CTNNA3: variants seen among roughly 807,000 people sequenced by gnomAD.
CTNNA3 encodes the protein catenin alpha 3, also known as catenin alpha-3.
In CTNNA3, 76 loss-of-function variants were observed where a neutral mutation model predicts 95.7. The observed-to-expected ratio is 0.79, with a 90% CI of 0.66 to 0.96. The LOEUF (loss-of-function observed/expected upper bound fraction) is 0.96. Among genes scored for constraint, CTNNA3 ranks in the 40% least tolerant of loss-of-function variants. CTNNA3 has a pLI of 0.00. For synonymous variants in CTNNA3, 431 were observed against 374.4 expected (o/e 1.15, Z -1.74); for missense variants, 1,191 against 1,089.8 (o/e 1.09, Z -1.31).
intron 7 of CTNNA3, among the ~76,000 whole-genome samples, chr10:66,936,736 A>G (rs1847722026): frequency 6.6e-6 from 1 of 152,102 alleles, no homozygotes; most frequent in Non-Finnish European, 1.5e-5. Context: ...ATTTGGAAGT[A>G]GTATCCATAT....
chr10:67,392,189 G>A (rs1397817714), intron 5 of CTNNA3, among the ~76,000 whole-genome samples: 1 of 152,028 alleles, frequency 6.6e-6, no homozygotes, highest in Non-Finnish European at 1.5e-5. Context: ...AATCTACAGT[G>A]AACTCAAATA....
chr10:66,516,594 G>T (rs1014233616), intron 11 of CTNNA3, among the ~76,000 whole-genome samples: 1 of 152,162 alleles, frequency 6.6e-6, no homozygotes, highest in African/African-American at 2.4e-5. Flanking sequence ...TTATGCCACA[G>T]AAATAAACAA....
intron 10 of CTNNA3, among the ~76,000 whole-genome samples, chr10:66,579,061 C>A (rs954994205): frequency 7.4e-5 from 11 of 149,206 alleles, no homozygotes; most frequent in Non-Finnish European, 1.2e-4. Context: ...CTTCCCAGTT[C>A]TTGGGAGGGT....
At chr10:66,516,375 G>C (rs1029734615) in intron 11 of CTNNA3, among the ~76,000 whole-genome samples, 1 of 152,130 alleles carries the variant, frequency 6.6e-6, no homozygotes, top group African/African-American at 2.4e-5. Flanking sequence ...CTGTTTAATG[G>C]CCATTTCTCT....
intron 7 of CTNNA3, among the ~76,000 whole-genome samples, chr10:67,037,685 G>A (rs538277082): frequency 5.0e-4 from 76 of 152,294 alleles, no homozygotes; most frequent in African/African-American, 1.8e-3. Context: ...TCCATTTTTA[G>A]AATGGAGTAT....
chr10:66,235,389 A>C (rs1484647482), intron 13 of CTNNA3, among the ~76,000 whole-genome samples: 1 of 151,066 alleles, frequency 6.6e-6, no homozygotes, highest in Non-Finnish European at 1.5e-5. Context: ...TAGTTTTATT[A>C]ATATTCTATT....
chr10:67,041,749 T>C lies in CTNNA3; in HGVS notation c.1047+138568A>G, dbSNP rs566643775. Among the ~76,000 whole-genome samples the C allele has an allele frequency of 3.9e-5, 6 of 152,282 alleles. No homozygotes were observed. The South Asian group carries it at 1.2e-3, about 32-fold the overall frequency. ...CCATGAGCTAGGCCTTGATGACTCA[T>C]AGATAAATAAGATAATATTCTATCC... On this transcript the variant is annotated intron_variant, in intron 7 of 17. Coordinates refer to ENST00000433211, the MANE Select transcript of CTNNA3 (RefSeq NM_013266.4).
At chr10:66,357,316 G>A (rs1386664895) in intron 12 of CTNNA3, among the ~76,000 whole-genome samples, 1 of 152,034 alleles carries the variant, frequency 6.6e-6, no homozygotes, top group East Asian at 1.9e-4. Context: ...ATCTTCTTCA[G>A]TGACTTTTTT....
chr10:66,468,373 A>C (rs1839004435), intron 11 of CTNNA3, among the ~76,000 whole-genome samples: 1 of 152,058 alleles, frequency 6.6e-6, no homozygotes, highest in Non-Finnish European at 1.5e-5. Flanking sequence ...TTTAAAGGAC[A>C]GAGTATTTCC....
chr10:66,046,675 A>G (rs1352218987), intron 15 of CTNNA3, among the ~76,000 whole-genome samples: 1 of 152,150 alleles, frequency 6.6e-6, no homozygotes, highest in African/African-American at 2.4e-5. Flanking sequence ...CAATGAATAC[A>G]GGAATTGGTT....
intron 15 of CTNNA3, among the ~76,000 whole-genome samples, chr10:66,002,121 T>A (rs1204970321): frequency 6.6e-6 from 1 of 152,116 alleles, no homozygotes; most frequent in Non-Finnish European, 1.5e-5. Context: ...TTCCCTTACT[T>A]ATAATTCTGT....
At chr10:66,823,304 T>A (rs989674114) in intron 7 of CTNNA3, among the ~76,000 whole-genome samples, 1 of 152,218 alleles carries the variant, frequency 6.6e-6, no homozygotes, top group African/African-American at 2.4e-5. Context: ...TGTTCATAAA[T>A]TCCATGTCAT....
chr10:65,971,941 C>T (rs75673907), intron 16 of CTNNA3, among the ~76,000 whole-genome samples: 6,038 of 152,086 alleles, frequency 0.04, 398 homozygotes, highest in African/African-American at 0.14. Context: ...TTTAGTGGCA[C>T]ATCAAAAAGT....
In CTNNA3 at chr10:66,265,398, G is replaced by A. The variant is rs1433325260; in HGVS notation, c.1884+15072C>T. Among the ~76,000 whole-genome samples the A allele has an allele frequency of 2.0e-5, 3 of 151,888 alleles. No individual in the cohort carries two copies. In the East Asian group the frequency reaches 5.8e-4, roughly 29 times the overall value. On this transcript the variant is annotated intron_variant, in intron 13 of 17. Coordinates refer to ENST00000433211, the MANE Select transcript of CTNNA3 (RefSeq NM_013266.4). ...AAGTCAACATTCAACAAAATCAAGA[G>A]GAAACTTCTTAAAATGCAAATTGGA...
At chr10:67,291,343 G>GT (rs1839831975) in intron 5 of CTNNA3, among the ~76,000 whole-genome samples, 1 of 152,194 alleles carries the variant, frequency 6.6e-6, no homozygotes, top group Non-Finnish European at 1.5e-5. Flanking sequence ...AGAAGAGATA[G>GT]TTAACCTATT....
intron 15 of CTNNA3, among the ~76,000 whole-genome samples, chr10:65,995,317 T>C (rs2078633711): frequency 6.6e-6 from 1 of 152,186 alleles, no homozygotes; most frequent in Non-Finnish European, 1.5e-5. Context: ...TAGGGGAAGG[T>C]CCTAAAGATC....
Position 66,380,555 on chromosome 10 carries a change from C to T in CTNNA3, c.1532-1203G>A, listed in dbSNP as rs540927053. ...CCCAGGAGTTTGAGGCTACAGTGAG[C>T]TTTGATCATGCCACTACACTCCAGC... On this transcript the variant is annotated intron_variant, in intron 11 of 17. Transcript: ENST00000433211. Among the ~76,000 whole-genome samples the T allele has an allele frequency of 4.0e-5, 6 of 151,442 alleles. No homozygotes were observed. In the East Asian group the frequency reaches 9.7e-4, roughly 25 times the overall value.
At chr10:66,761,494 G>A (rs975968025) in intron 9 of CTNNA3, among the ~76,000 whole-genome samples, 1 of 151,880 alleles carries the variant, frequency 6.6e-6, no homozygotes, top group Non-Finnish European at 1.5e-5. Flanking sequence ...AAATCCATAG[G>A]GTAACTGGAG....
In CTNNA3 at chr10:66,919,159, A is replaced by T. The variant is rs556340067; in HGVS notation, c.1048-143635T>A. ...TAAAAAAAAAAAAAAAAAAAAAGAC[A>T]TATGTTGAAGATTTGCTTTTAAAAT... is the stretch of plus-strand genomic sequence containing the variant. On this transcript the variant is annotated intron_variant, in intron 7 of 17. Transcript: ENST00000433211. Among the ~76,000 whole-genome samples, 70 of 149,370 alleles carry T rather than the reference A, an allele frequency of 4.7e-4. 1 individual carries two copies. The highest frequency in any genetic ancestry group is 1.5e-3 in the African/African-American group (63 of 40,734).
Sources: gnomAD v4.1 joint callset for allele counts (sites outside exome capture counted in the v4.1 genomes callset) on GRCh38, gnomAD v4.1.1 for gene constraint, MANE v1.5 for transcripts, NCBI Gene and HGNC (gene_info 2026-07-23, HGNC 2026-07-21) for gene names.